Variants in ADHFE1 observed in about 807,000 individuals in gnomAD.
ADHFE1 encodes the protein alcohol dehydrogenase iron containing 1.
Under a neutral mutation model 54.8 loss-of-function variants are expected in ADHFE1, and 37 were observed. The ratio of observed to expected loss-of-function variants is 0.68; its 90% CI spans 0.52 to 0.89. The LOEUF (loss-of-function observed/expected upper bound fraction) is 0.89. Among genes scored for constraint, ADHFE1 ranks in the 40% least tolerant of loss-of-function variants. The pLI is 0.00. For missense variants in ADHFE1, 601 were observed against 591.2 expected, an observed-to-expected ratio of 1.02 and a Z score of -0.17; for synonymous variants, 203 against 229.3, an observed-to-expected ratio of 0.89 and a Z score of 1.04.
chr8:66,448,209 C>T (rs1199953083), intron 7 of ADHFE1, among the ~76,000 whole-genome samples: 1 of 152,174 alleles, frequency 6.6e-6, no homozygotes, highest in Non-Finnish European at 1.5e-5. Flanking sequence ...TTCAGATCTT[C>T]GTAGCAGAAT....
At chr8:66,460,024 C>T (rs1350604113) in intron 12 of ADHFE1, 3 of 371,814 alleles carry the variant, frequency 8.1e-6, no homozygotes, top group African/African-American at 2.1e-5. Context: ...CAGCACCAGC[C>T]GACTTTCTTG....
chr8:66,445,972 C>T (rs905902964), intron 6 of ADHFE1, among the ~76,000 whole-genome samples: 5 of 152,160 alleles, frequency 3.3e-5, no homozygotes, highest in African/African-American at 1.2e-4. Context: ...CCACAGGGGA[C>T]CTTGAGATTT....
At chr8:66,456,964 C>A in intron 11 of ADHFE1, 69 bp downstream of exon 11, 1 of 1,449,516 alleles carries the variant, frequency 6.9e-7, no homozygotes, top group Non-Finnish European at 9.3e-7. Flanking sequence ...ATATATTTGC[C>A]AATTCTCGCC....
At position 66,439,815 on chromosome 8, in the gene ADHFE1, C is replaced by G. The variant is rs1805653739; in HGVS notation, c.60-347C>G. ...GGCCGATTTGGTCAACGCTCCTAACCCAGTAAGAGCTGGGGCTTCATGGAG... is the reference window on the plus strand; with the variant it reads ...GGCCGATTTGGTCAACGCTCCTAACGCAGTAAGAGCTGGGGCTTCATGGAG... On this transcript the variant is annotated intron_variant, in intron 1 of 13. Transcript: ENST00000396623. The surrounding 1 kb of genome is among the most constrained non-coding windows in gnomAD (Gnocchi z 4.4). 9.2e-7 allele frequency: 1 copy of G among 1,087,830 alleles called. No homozygotes were observed. Among genetic ancestry groups the G allele is most frequent in the Admixed American group, 4.6e-5 (1 of 21,950 alleles). 67.4% of individuals were successfully genotyped at this position (1,087,830 alleles called of 1,614,324 possible).
At chr8:66,449,587 G>A (rs931803161) in intron 8 of ADHFE1, among the ~76,000 whole-genome samples, 1 of 152,156 alleles carries the variant, frequency 6.6e-6, no homozygotes, top group African/African-American at 2.4e-5. Flanking sequence ...TGTTCCCTCG[G>A]CTTCAGCTGC....
intron 8 of ADHFE1, among the ~76,000 whole-genome samples, chr8:66,450,487 C>T (rs553704277): frequency 5.3e-5 from 8 of 152,194 alleles, no homozygotes; most frequent in Non-Finnish European, 4.4e-5. Context: ...ATTAAATCTT[C>T]GAGGTAACTC....
chr8:66,440,433 C>T lies in ADHFE1; in HGVS notation c.97+234C>T, dbSNP rs1805690875. On this transcript the variant is annotated intron_variant, in intron 2 of 13. Transcript: ENST00000396623. ...AATATCTATTTAATGCTACTTACAA[C>T]GCTTTTCTCTTTTAATTACTTGCCA... Among the ~76,000 whole-genome samples, 5 of 152,156 alleles carry T rather than the reference C, an allele frequency of 3.3e-5. No homozygotes were observed. The South Asian group carries it at 1.0e-3, about 32-fold the overall frequency.
At position 66,451,961 on chromosome 8, in the gene ADHFE1, T is replaced by A. The variant is rs779882261; in HGVS notation, c.743T>A (p.Leu248Gln). Residue 248 changes from leucine to glutamine, a missense_variant, in exon 9 of 14, where the codon CTG becomes CAG. Coordinates refer to ENST00000396623, the MANE Select transcript of ADHFE1 (RefSeq NM_144650.3). ...TCAATATTTCTTTTTAGCCATGCCC[T>A]GGAGTCATACACCACCCTGCCCTAC... ...NSGFDVLCHA[L>Q]ESYTTLPYHL... is the part of the protein sequence containing the mutation. The A allele has an allele frequency of 1.2e-6, 2 of 1,613,968 alleles. No homozygotes were observed. The highest frequency in any genetic ancestry group is 1.7e-6 in the Non-Finnish European group (2 of 1,179,992).
intron 12 of ADHFE1, among the ~76,000 whole-genome samples, chr8:66,458,995 C>T (rs920714642): frequency 3.3e-5 from 5 of 152,138 alleles, no homozygotes; most frequent in African/African-American, 1.2e-4. Flanking sequence ...ACCTTTCATC[C>T]GGCTGCTCTC....
At chr8:66,463,160 G>T (rs1806991446) in intron 13 of ADHFE1, among the ~76,000 whole-genome samples, 1 of 152,170 alleles carries the variant, frequency 6.6e-6, no homozygotes, top group East Asian at 1.9e-4. Flanking sequence ...CGTAGCAGCA[G>T]ATCCAGCTTA....
At chr8:66,449,832 G>A (rs1806209546) in intron 8 of ADHFE1, among the ~76,000 whole-genome samples, 1 of 152,170 alleles carries the variant, frequency 6.6e-6, no homozygotes, top group Admixed American at 6.5e-5. Flanking sequence ...TTTAAAAACG[G>A]TGCAGGCTGG....
At chr8:66,444,460 T>C in intron 4 of ADHFE1, 40 bp downstream of exon 4, 1 of 1,610,806 alleles carries the variant, frequency 6.2e-7, no homozygotes, top group South Asian at 1.1e-5. Flanking sequence ...ACTGTAAATG[T>C]TACATATCTC....
chr8:66,434,187 G>A (rs1253388502), intron 1 of ADHFE1, among the ~76,000 whole-genome samples: 1 of 152,188 alleles, frequency 6.6e-6, no homozygotes, highest in East Asian at 1.9e-4. Flanking sequence ...GAGATTTCTG[G>A]CTTGGGCATC....
chr8:66,453,127 T>C (rs1309220786), intron 9 of ADHFE1, among the ~76,000 whole-genome samples: 2 of 152,066 alleles, frequency 1.3e-5, no homozygotes, highest in Admixed American at 6.6e-5. Flanking sequence ...AGCCAGTTTG[T>C]TTGACAGGGA....
intron 13 of ADHFE1, among the ~76,000 whole-genome samples, chr8:66,467,866 TG>T (rs1292390695): frequency 2.0e-5 from 3 of 152,234 alleles, no homozygotes; most frequent in Non-Finnish European, 4.4e-5. Context: ...CTTTTGAATA[TG>T]CCTTAAGTCC....
intron 12 of ADHFE1, among the ~76,000 whole-genome samples, chr8:66,458,856 T>C (rs1806735248): frequency 6.6e-6 from 1 of 152,206 alleles, no homozygotes; most frequent in Admixed American, 6.5e-5. Flanking sequence ...GAGATTTCGA[T>C]GGTGTTTTAT....
At chr8:66,457,342 G>A (rs1586478057) in intron 12 of ADHFE1, among the ~76,000 whole-genome samples, 176 bp downstream of exon 12, 1 of 149,658 alleles carries the variant, frequency 6.7e-6, no homozygotes, top group East Asian at 2.0e-4. Context: ...GCCGTGTACA[G>A]TAGTGCAAGA....
chr8:66,465,401 T>C (rs1002414150), intron 13 of ADHFE1, among the ~76,000 whole-genome samples: 1 of 152,226 alleles, frequency 6.6e-6, no homozygotes, highest in Non-Finnish European at 1.5e-5. Context: ...TTTGTGTGTG[T>C]GTAATAGCCA....
intron 6 of ADHFE1, 123 bp downstream of exon 6, chr8:66,445,537 C>G: frequency 1.1e-6 from 1 of 905,964 alleles, no homozygotes; most frequent in Non-Finnish European, 1.6e-6. Flanking sequence ...CATTTCAAAT[C>G]AATGCCTTGT....
Sources: gnomAD v4.1 joint callset for allele counts (sites outside exome capture counted in the v4.1 genomes callset) on GRCh38, gnomAD v4.1.1 for gene constraint, Gnocchi (gnomAD v3.1) non-coding constraint, MANE v1.5 for transcripts, NCBI Gene and HGNC (gene_info 2026-07-23, HGNC 2026-07-21) for gene names.